ZNF99: variants seen among roughly 807,000 people sequenced by gnomAD.
The protein encoded by ZNF99 is zinc finger protein 99.
In ZNF99, 8 loss-of-function variants were observed where a neutral mutation model predicts 12.8. The ratio of observed to expected loss-of-function variants is 0.62; its 90% CI spans 0.37 to 1.13. The LOEUF (loss-of-function observed/expected upper bound fraction) is 1.13. ZNF99 is among the 50% of genes most tolerant of loss of function. The pLI, the probability that ZNF99 is intolerant of heterozygous loss-of-function variation, is 0.02. For synonymous variants in ZNF99, 318 were observed against 319.0 expected, an observed-to-expected ratio of 1.00 and a Z score of 0.03; for missense variants, 1,007 against 1,006.2, an observed-to-expected ratio of 1.00 and a Z score of -0.01.
At chr19:22,765,403 G>A (rs1973193146) in intron 3 of ZNF99, among the ~76,000 whole-genome samples, 1 of 151,680 alleles carries the variant, frequency 6.6e-6, no homozygotes, top group African/African-American at 2.4e-5. Context: ...CGGGTGATGA[G>A]TGCACAAAAA....
chr19:22,766,297 CAT>C (rs1973203175), intron 3 of ZNF99, among the ~76,000 whole-genome samples: 1 of 137,112 alleles, frequency 7.3e-6, no homozygotes, highest in Non-Finnish European at 1.6e-5. Context: ...AAAAAAAAAA[CAT>C]AAAACATAAC....
chr19:22,766,282 TAAAA>T (rs35026292), intron 3 of ZNF99, among the ~76,000 whole-genome samples: 1 of 131,328 alleles, frequency 7.6e-6, no homozygotes, highest in Non-Finnish European at 1.6e-5. Context: ...ACAAAATATG[TAAAA>T]AAAAAAAAAA....
rs892136347 is a variant in ZNF99, at chr19:22,754,266, T to C, written c.*3048A>G. 2.3e-6 allele frequency: 1 copy of C among 437,534 alleles called. No homozygotes were observed. The highest frequency in any genetic ancestry group is 2.0e-5 in the African/African-American group (1 of 48,878). The allele number at this position is 437,534 out of a possible 1,614,324, so 27.1% of individuals were successfully genotyped here. A position where few individuals can be genotyped will look rare whatever the true frequency, so the allele number is the denominator to read the frequency against. On this transcript the variant is annotated 3_prime_UTR_variant, in exon 4 of 4. Transcript: ENST00000596209. ...CCTGCAATCCCAGCTGCTTGGGAGG[T>C]TGAGGCCAGAGAATCGCTTGAACCC... is the stretch of plus-strand genomic sequence containing the variant.
chr19:22,773,107 T>C (rs1202567678), intron 1 of ZNF99, among the ~76,000 whole-genome samples: 1 of 152,168 alleles, frequency 6.6e-6, no homozygotes, highest in East Asian at 1.9e-4. Context: ...TGGAGGACTA[T>C]AGATACCAAA....
chr19:22,771,810 C>A (rs113646238), intron 1 of ZNF99, among the ~76,000 whole-genome samples: 1 of 81,476 alleles, frequency 1.2e-5, no homozygotes, highest in Non-Finnish European at 2.7e-5. Context: ...CTCTGCCTCC[C>A]GGGTTCAAGC....
At chr19:22,764,704 A>G (rs1973186580) in intron 3 of ZNF99, among the ~76,000 whole-genome samples, 1 of 152,216 alleles carries the variant, frequency 6.6e-6, no homozygotes, top group Admixed American at 6.5e-5. Context: ...CAGAAGATAT[A>G]CAAATGGCCA....
rs1301346659 is a variant in ZNF99, at chr19:22,758,158, T to C, written c.1751A>G (p.Lys584Arg). 2 of 1,613,648 alleles carry C rather than the reference T, an allele frequency of 1.2e-6. No homozygotes were observed. Among genetic ancestry groups the C allele is most frequent in the African/African-American group, 1.3e-5 (1 of 75,024 alleles). Residue 584 changes from lysine to arginine, a missense_variant, in exon 4 of 4, where the codon AAA (lysine) becomes AGA (arginine). Transcript: ENST00000596209. ...FKQSSHLTRH[K>R]AIHTGEKPYK... ...GGGTTTCTCCCCAGTATGAATTGCT[T>C]TATGTCTAGTAAGATGTGAAGATTG...
intron 1 of ZNF99, among the ~76,000 whole-genome samples, chr19:22,771,539 G>A (rs932044644): frequency 7.9e-5 from 12 of 151,988 alleles, no homozygotes; most frequent in African/African-American, 2.7e-4. Flanking sequence ...ACAGGCGTGA[G>A]CCACCGGGCC....
At chr19:22,764,520 G>A (rs1392622797) in intron 3 of ZNF99, among the ~76,000 whole-genome samples, 1 of 151,946 alleles carries the variant, frequency 6.6e-6, no homozygotes, top group Non-Finnish European at 1.5e-5. Flanking sequence ...GCTTTTGCAT[G>A]GCAAAAGGAA....
In ZNF99 at chr19:22,759,036, G is replaced by C. The variant is rs1454446496; in HGVS notation, c.873C>G (p.Gly291=). ...GKKPYKCEEC[G]KAFKQSSHLT... is the part of the protein sequence containing the mutation. ...GGTGTGAGGATTGCTTAAAAGCTTT[G>C]CCACATTCTTCACATTTATATGGTT... Residue 291 remains glycine, a synonymous_variant, in exon 4 of 4, where the codon GGC becomes GGG. Transcript: ENST00000596209. 1 of 1,613,700 alleles carries C rather than the reference G, an allele frequency of 6.2e-7. No homozygotes were observed. The highest frequency in any genetic ancestry group is 8.5e-7 in the Non-Finnish European group (1 of 1,179,816).
rs1973006069 is a variant in ZNF99 at position 22,753,840 on chromosome 19, TA to T, written c.*3473del. The T allele has an allele frequency of 6.6e-6, 2 of 303,986 alleles. No individual in the cohort carries two copies. Among genetic ancestry groups the T allele is most frequent in the Non-Finnish European group, 1.3e-5 (2 of 152,492 alleles). 18.8% of individuals were successfully genotyped at this position (303,986 alleles called of 1,614,324 possible). On this transcript the variant is annotated 3_prime_UTR_variant, in exon 4 of 4. Transcript: ENST00000596209. Reference sequence around the variant, plus strand: ...TATGCGATAAGGTGTGAGTATTGGTTAAATATTTTGCCACATTCTTCATAGT... The same window carrying T: ...TATGCGATAAGGTGTGAGTATTGGTTAATATTTTGCCACATTCTTCATAGT...
Position 22,753,194 on chromosome 19 carries a change from T to C in ZNF99, c.*4120A>G, listed in dbSNP as rs1487425737. The stretch of plus-strand genomic sequence containing the variant: ...GTTAATTTTTTTGATATTTGAAGTA[T>C]ACAAAAAGTATACTTCAAATGTAAT... On this transcript the variant is annotated 3_prime_UTR_variant, in exon 4 of 4. Coordinates refer to ENST00000596209, the MANE Select transcript of ZNF99 (RefSeq NM_001080409.3). The C allele has an allele frequency of 6.6e-5, 10 of 152,088 alleles. No individual in the cohort carries two copies. The highest frequency in any genetic ancestry group is 1.0e-4 in the Non-Finnish European group (7 of 67,968). The allele number at this position is 152,088 out of a possible 1,614,324, so 9.4% of individuals were successfully genotyped here.
intron 3 of ZNF99, among the ~76,000 whole-genome samples, chr19:22,760,990 C>CAAGG (rs1568384343): frequency 6.6e-6 from 1 of 150,938 alleles, no homozygotes; most frequent in African/African-American, 2.4e-5. Flanking sequence ...ATTTCCAGGA[C>CAAGG]AAGGCTACAT....
intron 1 of ZNF99, chr19:22,773,902 G>A (rs1973298686): frequency 1.3e-5 from 2 of 152,210 alleles, no homozygotes; most frequent in Non-Finnish European, 2.9e-5. Flanking sequence ...GCCTCCTGGG[G>A]AGAACTGCAC....
rs1411830073 is a variant in ZNF99 at position 22,758,918 on chromosome 19, G to C, written c.991C>G (p.His331Asp). The C allele has an allele frequency of 1.9e-6, 3 of 1,613,520 alleles. No individual in the cohort carries two copies. The highest frequency in any genetic ancestry group is 2.5e-6 in the Non-Finnish European group (3 of 1,179,834). The change falls in exon 4 of 4, where the codon CAT becomes GAT. Residue 331 changes from histidine to aspartate, a missense_variant. Physicochemically the swap from His to Asp is moderately conservative, Grantham distance 81. Coordinates refer to ENST00000596209, the MANE Select transcript of ZNF99 (RefSeq NM_001080409.3). ...TTCTTTCCAGTATGAATTATCTGAT[G>C]TTTTCTAAGGGCTGAGAAATGGTTA... ...AFNHFSALRK[H>D]QIIHTGKKPY...
At chr19:22,765,573 A>T (rs1973194929) in intron 3 of ZNF99, among the ~76,000 whole-genome samples, 1 of 152,056 alleles carries the variant, frequency 6.6e-6, no homozygotes, top group African/African-American at 2.4e-5. Context: ...TAATAAAAAA[A>T]ATTCTTAATC....
In ZNF99 at chr19:22,757,765, CT is replaced by C. The variant is rs1973086726; in HGVS notation, c.2143del (p.Ser715AlafsTer11). 1 of 1,590,362 alleles carries C rather than the reference CT, an allele frequency of 6.3e-7. No homozygotes were observed. Among genetic ancestry groups the C allele is most frequent in the Non-Finnish European group, 8.5e-7 (1 of 1,171,568 alleles). On this transcript the variant is annotated frameshift_variant, in exon 4 of 4. Transcript: ENST00000596209. LOFTEE classifies it low-confidence loss of function (END_TRUNC). ...YKCEECGKAF[S>X]QSSTLRKHEI... is the part of the protein sequence containing the mutation. ...ATGTTTTCTAAGAGTTGAGGACTGG[CT>C]AAAAGCTTTGCCACATTCTTCACAT... is the stretch of plus-strand genomic sequence containing the variant.
At position 22,757,010 on chromosome 19, in the gene ZNF99, C is replaced by A; in HGVS notation, c.*304G>T. On this transcript the variant is annotated 3_prime_UTR_variant, in exon 4 of 4. Coordinates refer to ENST00000596209, the MANE Select transcript of ZNF99 (RefSeq NM_001080409.3). ...ATGTTTCCTAAGGGCTGAGAAATTG[C>A]TAAAAGCTTTGCCACATTCTTCACA... 1 of 1,561,382 alleles carries A rather than the reference C, an allele frequency of 6.4e-7. No homozygotes were observed. Among genetic ancestry groups the A allele is most frequent in the Non-Finnish European group, 8.7e-7 (1 of 1,151,948 alleles).
At position 22,757,101 on chromosome 19, in the gene ZNF99, CT is replaced by C. The variant is rs766403310; in HGVS notation, c.*212del. 6.2e-7 allele frequency: 1 copy of C among 1,612,482 alleles called. No homozygotes were observed. Among genetic ancestry groups the C allele is most frequent in the Non-Finnish European group, 8.5e-7 (1 of 1,179,040 alleles). ...TTAAGGGTTGAGGAATTGTTAAAAG[CT>C]TTTCCACATTCTCCACATTTGTAGG... On this transcript the variant is annotated 3_prime_UTR_variant, in exon 4 of 4. Transcript: ENST00000596209.
Sources: allele counts gnomAD v4.1 joint callset (sites outside exome capture counted in the v4.1 genomes callset), GRCh38; gene constraint gnomAD v4.1.1; transcripts MANE v1.5; gene names NCBI Gene and HGNC (gene_info 2026-07-23, HGNC 2026-07-21).